The following XYLT1 variants were observed in gnomAD, a reference collection of about 807,000 sequenced individuals.
XYLT1 encodes beta-D-xylosyltransferase 1.
XYLT1 carries 36 observed loss-of-function variants against 91.3 expected under a neutral mutation model. That is an observed-to-expected ratio of 0.39 (90% CI 0.30 to 0.52). XYLT1 has a LOEUF of 0.52. Among genes scored for constraint, XYLT1 ranks in the 20% least tolerant of loss-of-function variants. XYLT1 has a pLI of 0.68. For synonymous variants in XYLT1, 588 were observed against 532.0 expected, an observed-to-expected ratio of 1.11 and a Z score of -1.45; for missense variants, 1,242 against 1,284.5, an observed-to-expected ratio of 0.97 and a Z score of 0.51.
chr16:17,350,730 G>A (rs1567387348), intron 2 of XYLT1, among the ~76,000 whole-genome samples: 1 of 152,102 alleles, frequency 6.6e-6, no homozygotes, highest in East Asian at 1.9e-4. Context: ...TGGAGACTCA[G>A]GTAAGAGCCA....
chr16:17,259,206 T>C lies in XYLT1; in HGVS notation c.695A>G (p.Asp232Gly). The C allele has an allele frequency of 6.2e-7, 1 of 1,613,710 alleles. No homozygotes were observed. Among genetic ancestry groups the C allele is most frequent in the Non-Finnish European group, 8.5e-7 (1 of 1,179,880 alleles). ...RAAANSSHGK[D>G]VSRPPHARKT... Reference sequence around the variant, plus strand: ...CCTGGCATGAGGCGGTCTGGACACATCCTTCCCGTGGCTGCTGTTGGCTGC... The same window carrying C: ...CCTGGCATGAGGCGGTCTGGACACACCCTTCCCGTGGCTGCTGTTGGCTGC... Residue 232 changes from aspartate to glycine, a missense_variant, in exon 3 of 12, where the codon GAT (aspartate) becomes GGT (glycine). By Grantham distance (94) the Asp-to-Gly change is moderately conservative. Around this residue, in one of 3 missense-constraint regions of XYLT1, gnomAD observed 437 missense variants for 411.5 expected, o/e 1.06. Transcript: ENST00000261381.
intron 3 of XYLT1, among the ~76,000 whole-genome samples, chr16:17,213,864 G>A (rs571221924): frequency 3.2e-4 from 48 of 152,170 alleles, no homozygotes; most frequent in South Asian, 2.1e-3. Context: ...TGATTCGCCC[G>A]CCTCAGCCTC....
intron 1 of XYLT1, among the ~76,000 whole-genome samples, chr16:17,438,154 C>T (rs536857194): frequency 6.6e-6 from 1 of 152,144 alleles, no homozygotes; most frequent in Non-Finnish European, 1.5e-5. Flanking sequence ...TTAAAAAGGT[C>T]TGCAATTCTA....
chr16:17,286,303 T>C (rs898413083), intron 2 of XYLT1, among the ~76,000 whole-genome samples: 1 of 151,850 alleles, frequency 6.6e-6, no homozygotes, highest in Non-Finnish European at 1.5e-5. Context: ...GGTGGGAGGC[T>C]GGGGAGGGAG....
chr16:17,417,531 G>C (rs116497409), intron 1 of XYLT1, among the ~76,000 whole-genome samples: 1 of 151,930 alleles, frequency 6.6e-6, no homozygotes, highest in African/African-American at 2.4e-5. Context: ...CTTTTTCCAG[G>C]CCAAACTACT....
chr16:17,470,045 C>T (rs1413758030), intron 1 of XYLT1, among the ~76,000 whole-genome samples: 1 of 152,138 alleles, frequency 6.6e-6, no homozygotes, highest in Admixed American at 6.5e-5. Context: ...CGCCCAGGAA[C>T]AGCGGCTGAG....
At chr16:17,446,858 G>C (rs886343383) in intron 1 of XYLT1, among the ~76,000 whole-genome samples, 1 of 152,076 alleles carries the variant, frequency 6.6e-6, no homozygotes, top group Non-Finnish European at 1.5e-5. Context: ...TCAGGGCCCA[G>C]GGTCAGCCAA....
chr16:17,310,024 G>A (rs1029193065), intron 2 of XYLT1, among the ~76,000 whole-genome samples: 2 of 152,180 alleles, frequency 1.3e-5, no homozygotes, highest in Non-Finnish European at 2.9e-5. Context: ...CATCATCCCT[G>A]TAAAGATGGG....
chr16:17,142,519 C>T (rs1456641501), intron 6 of XYLT1, among the ~76,000 whole-genome samples: 7 of 149,458 alleles, frequency 4.7e-5, no homozygotes, highest in Non-Finnish European at 8.9e-5. Context: ...CAGTAACCTC[C>T]GCTTCCTGGG....
intron 10 of XYLT1, among the ~76,000 whole-genome samples, chr16:17,123,639 T>C (rs1016024461): frequency 6.6e-6 from 1 of 152,242 alleles, no homozygotes; most frequent in Non-Finnish European, 1.5e-5. Context: ...GAACAGCATG[T>C]ATATTCTGCA....
chr16:17,428,308 T>TGAGGACAGAGGACAGC (rs2036343668), intron 1 of XYLT1, among the ~76,000 whole-genome samples: 1 of 152,122 alleles, frequency 6.6e-6, no homozygotes, highest in Non-Finnish European at 1.5e-5. Flanking sequence ...ACCAGGACAG[T>TGAGGACAGAGGACAGC]GAGGACAGAG....
intron 2 of XYLT1, among the ~76,000 whole-genome samples, chr16:17,278,956 T>C (rs1439412480): frequency 6.6e-6 from 1 of 152,184 alleles, no homozygotes; most frequent in Non-Finnish European, 1.5e-5. Context: ...TCCTTCCTGG[T>C]TGGGCTTTAG....
At chr16:17,128,517 C>G (rs929551886) in intron 9 of XYLT1, among the ~76,000 whole-genome samples, 1 of 152,238 alleles carries the variant, frequency 6.6e-6, no homozygotes, top group African/African-American at 2.4e-5. Flanking sequence ...TCGTCTCTCT[C>G]TCTGTTTAAA....
intron 2 of XYLT1, among the ~76,000 whole-genome samples, chr16:17,290,736 T>C (rs1340998458): frequency 6.6e-6 from 1 of 152,236 alleles, no homozygotes; most frequent in Non-Finnish European, 1.5e-5. Flanking sequence ...CCACAGCTAG[T>C]GAAGGGCAGA....
chr16:17,297,951 G>A (rs190350133), intron 2 of XYLT1, among the ~76,000 whole-genome samples: 1 of 152,080 alleles, frequency 6.6e-6, no homozygotes, highest in African/African-American at 2.4e-5. Flanking sequence ...AACCCGGGAG[G>A]TGGAGCTTGC....
chr16:17,379,925 C>G (rs1333995139), intron 1 of XYLT1, among the ~76,000 whole-genome samples: 1 of 152,116 alleles, frequency 6.6e-6, no homozygotes, highest in African/African-American at 2.4e-5. Flanking sequence ...ACCTGCTGGC[C>G]TCTGATAGTT....
At chr16:17,365,234 G>A (rs759122583) in intron 1 of XYLT1, among the ~76,000 whole-genome samples, 3 of 152,114 alleles carry the variant, frequency 2.0e-5, no homozygotes, top group Non-Finnish European at 4.4e-5. Flanking sequence ...CAGGGAAGTG[G>A]GACTCTTTTT....
intron 1 of XYLT1, among the ~76,000 whole-genome samples, chr16:17,420,906 C>A (rs1001914819): frequency 2.0e-5 from 3 of 152,202 alleles, no homozygotes; most frequent in Non-Finnish European, 4.4e-5. Context: ...CTTCAGATTT[C>A]TAATGCTTGG....
At chr16:17,394,098 A>G (rs2035855527) in intron 1 of XYLT1, among the ~76,000 whole-genome samples, 1 of 152,144 alleles carries the variant, frequency 6.6e-6, no homozygotes, top group South Asian at 2.1e-4. Context: ...TTAAATGTCA[A>G]ATGAAGTAAA....
Sources: gnomAD v4.1 joint callset for allele counts (sites outside exome capture counted in the v4.1 genomes callset) on GRCh38, gnomAD v4.1.1 for gene constraint, gnomAD v4.1.1 regional missense constraint, MANE v1.5 for transcripts, NCBI Gene and HGNC (gene_info 2026-07-23, HGNC 2026-07-21) for gene names.